DACH1: variants seen among roughly 807,000 people sequenced by gnomAD.
DACH1 encodes the protein dachshund family transcription factor 1.
In DACH1, 12 loss-of-function variants were observed where a neutral mutation model predicts 54.2. That is an observed-to-expected ratio of 0.22 (90% CI 0.14 to 0.36). The LOEUF (loss-of-function observed/expected upper bound fraction) is 0.36. DACH1 is among the 10% of genes least tolerant of loss of function. DACH1 has a pLI of 1.00. For synonymous variants in DACH1, 386 were observed against 366.2 expected (o/e 1.05, Z -0.62); for missense variants, 805 against 929.8 (o/e 0.87, Z 1.75).
intron 2 of DACH1, among the ~76,000 whole-genome samples, chr13:71,659,918 C>G (rs1879381974): frequency 6.6e-6 from 1 of 152,020 alleles, no homozygotes; most frequent in African/African-American, 2.4e-5. Context: ...AATGCTTTTT[C>G]TGTGTGTTAT....
intron 1 of DACH1, among the ~76,000 whole-genome samples, chr13:71,684,884 A>T (rs1162103098): frequency 3.9e-5 from 6 of 152,146 alleles, no homozygotes; most frequent in Non-Finnish European, 8.8e-5. Flanking sequence ...AGAAATGAAA[A>T]GTAAGGCACA....
chr13:71,445,290 T>C (rs1874350676), intron 10 of DACH1, among the ~76,000 whole-genome samples: 1 of 152,232 alleles, frequency 6.6e-6, no homozygotes, highest in Non-Finnish European at 1.5e-5. Context: ...TAAAACTCTC[T>C]TAGATTTGTA....
At chr13:71,513,612 T>C (rs979043222) in intron 6 of DACH1, among the ~76,000 whole-genome samples, 1 of 152,078 alleles carries the variant, frequency 6.6e-6, no homozygotes, top group African/African-American at 2.4e-5. Context: ...GGGTAAATGA[T>C]TGATGATCCT....
intron 6 of DACH1, among the ~76,000 whole-genome samples, chr13:71,506,708 A>T (rs972445221): frequency 2.6e-5 from 4 of 152,122 alleles, no homozygotes; most frequent in African/African-American, 9.7e-5. Flanking sequence ...CAAAACAGAG[A>T]TATTGATCAA....
intron 3 of DACH1, among the ~76,000 whole-genome samples, chr13:71,599,046 A>T (rs551206180): frequency 6.6e-6 from 1 of 152,148 alleles, no homozygotes; most frequent in Non-Finnish European, 1.5e-5. Flanking sequence ...AGCTCTAAAC[A>T]TGTCATTTTT....
chr13:71,463,810 G>A (rs551590334), intron 10 of DACH1, among the ~76,000 whole-genome samples: 1 of 152,026 alleles, frequency 6.6e-6, no homozygotes, highest in South Asian at 2.1e-4. Flanking sequence ...TTTCCCTTAT[G>A]TCTTTTTAAC....
intron 1 of DACH1, among the ~76,000 whole-genome samples, chr13:71,863,624 C>G (rs1593662690): frequency 6.6e-6 from 1 of 152,072 alleles, no homozygotes; most frequent in Non-Finnish European, 1.5e-5. Context: ...GGGGAAAAAA[C>G]TTGAAAAATA....
At chr13:71,717,834 T>G (rs759630029) in intron 1 of DACH1, among the ~76,000 whole-genome samples, 5 of 152,002 alleles carry the variant, frequency 3.3e-5, no homozygotes, top group South Asian at 2.1e-4. Flanking sequence ...ATCTAACATC[T>G]CTTTCGTTTT....
chr13:71,508,630 CT>C lies in DACH1; in HGVS notation c.1571-19483del, dbSNP rs558150592. Among the ~76,000 whole-genome samples, 680 of 148,628 alleles carry C rather than the reference CT, an allele frequency of 4.6e-3. 4 individuals are homozygous for C. The highest frequency in any genetic ancestry group is 7.7e-3 in the Non-Finnish European group (512 of 66,840). ...TACAGGCATACACCAACTTGGGTAA[CT>C]TTTTTTTTTAGTTTTTGTAGAGACA... is the stretch of plus-strand genomic sequence containing the variant. On this transcript the variant is annotated intron_variant, in intron 6 of 10. Coordinates refer to ENST00000613252, the MANE Select transcript of DACH1 (RefSeq NM_080759.6).
chr13:71,441,972 AT>A (rs1468376768), intron 10 of DACH1, among the ~76,000 whole-genome samples: 3 of 152,184 alleles, frequency 2.0e-5, no homozygotes, highest in Middle Eastern at 6.8e-3. Context: ...AGATACAGGC[AT>A]GCATGCATAA....
intron 1 of DACH1, among the ~76,000 whole-genome samples, chr13:71,833,511 AT>A (rs912895680): frequency 6.6e-6 from 1 of 151,814 alleles, no homozygotes; most frequent in Non-Finnish European, 1.5e-5. Context: ...TAGCATCATA[AT>A]TTTTTTTACA....
chr13:71,673,204 G>C (rs1359492530), intron 2 of DACH1, among the ~76,000 whole-genome samples: 1 of 151,950 alleles, frequency 6.6e-6, no homozygotes, highest in Non-Finnish European at 1.5e-5. Context: ...AGTAATATGT[G>C]GTTATTTAAT....
intron 1 of DACH1, among the ~76,000 whole-genome samples, chr13:71,832,885 T>A (rs1437550779): frequency 6.6e-6 from 1 of 152,008 alleles, no homozygotes; most frequent in Admixed American, 6.6e-5. Flanking sequence ...CCTACTATTC[T>A]AAAAAGAGGA....
At chr13:71,775,083 G>A (rs1014512655) in intron 1 of DACH1, among the ~76,000 whole-genome samples, 4 of 143,768 alleles carry the variant, frequency 2.8e-5, no homozygotes, top group Non-Finnish European at 4.5e-5. Context: ...CCAGAAGTTC[G>A]AGACCAGCCT....
At chr13:71,736,154 T>A (rs928923129) in intron 1 of DACH1, among the ~76,000 whole-genome samples, 1 of 151,982 alleles carries the variant, frequency 6.6e-6, no homozygotes, top group Non-Finnish European at 1.5e-5. Context: ...AGGACCAGAG[T>A]CTATGAAAAT....
At chr13:71,704,619 G>A in intron 1 of DACH1, 1 of 429,348 alleles carries the variant, frequency 2.3e-6, no homozygotes, top group Non-Finnish European at 4.7e-6. Flanking sequence ...GGGAGCCTGA[G>A]CTGCTGGAAC....
At chr13:71,499,667 T>A in intron 6 of DACH1, among the ~76,000 whole-genome samples, 1 of 152,134 alleles carries the variant, frequency 6.6e-6, no homozygotes, top group East Asian at 1.9e-4. Flanking sequence ...ACAAGGTTAG[T>A]TCTTTCTCGT....
chr13:71,860,072 A>G (rs1874251156), intron 1 of DACH1, among the ~76,000 whole-genome samples: 1 of 151,870 alleles, frequency 6.6e-6, no homozygotes, highest in African/African-American at 2.4e-5. Context: ...ATTATTGAAC[A>G]TAACAAACAT....
intron 4 of DACH1, among the ~76,000 whole-genome samples, chr13:71,560,782 A>C (rs1458347037): frequency 6.6e-6 from 1 of 152,214 alleles, no homozygotes; most frequent in Non-Finnish European, 1.5e-5. Flanking sequence ...TTAAGAAAGA[A>C]GGTACCCATT....
Sources: allele counts gnomAD v4.1 joint callset (sites outside exome capture counted in the v4.1 genomes callset), GRCh38; gene constraint gnomAD v4.1.1; transcripts MANE v1.5; gene names NCBI Gene and HGNC (gene_info 2026-07-23, HGNC 2026-07-21).